The following EHBP1 variants were observed in gnomAD, a reference collection of about 807,000 sequenced individuals.
The protein encoded by EHBP1 is EH domain-binding protein 1.
A neutral mutation model predicts 144.0 loss-of-function variants in EHBP1; 55 were observed. The observed-to-expected ratio is 0.38, with a 90% CI of 0.31 to 0.48. The LOEUF is 0.48. Among genes scored for constraint, EHBP1 ranks in the 20% least tolerant of loss-of-function variants. The pLI is 0.98. For missense variants in EHBP1, 1,200 were observed against 1,364.2 expected (o/e 0.88, Z 1.90); for synonymous variants, 469 against 472.7 (o/e 0.99, Z 0.10).
intron 15 of EHBP1, among the ~76,000 whole-genome samples, chr2:62,984,158 ATTT>A (rs1243817770): frequency 6.6e-6 from 1 of 152,074 alleles, no homozygotes; most frequent in African/African-American, 2.4e-5. Flanking sequence ...TTTTTTTGGA[ATTT>A]TTAAGTATGT....
chr2:62,945,914 G>A (rs2057038040), intron 12 of EHBP1, among the ~76,000 whole-genome samples: 1 of 152,134 alleles, frequency 6.6e-6, no homozygotes, highest in Non-Finnish European at 1.5e-5. Flanking sequence ...CTTTGGATGG[G>A]CATGTTACAA....
intron 6 of EHBP1, among the ~76,000 whole-genome samples, chr2:62,828,012 G>A (rs1169749490): frequency 6.6e-6 from 1 of 152,166 alleles, no homozygotes; most frequent in Non-Finnish European, 1.5e-5. Flanking sequence ...ATTGTCTCCT[G>A]TTGATAAGAG....
chr2:62,787,762 A>C (rs1558669698), intron 5 of EHBP1, among the ~76,000 whole-genome samples: 1 of 152,210 alleles, frequency 6.6e-6, no homozygotes, highest in Non-Finnish European at 1.5e-5. Context: ...CACACACATA[A>C]TCTCTGGCTC....
At chr2:62,775,747 G>T (rs1012337291) in intron 5 of EHBP1, among the ~76,000 whole-genome samples, 1 of 152,088 alleles carries the variant, frequency 6.6e-6, no homozygotes, top group Admixed American at 6.6e-5. Context: ...TAATAACTCT[G>T]GTGTGAGTCA....
chr2:62,808,261 A>T (rs2044672026), intron 5 of EHBP1, among the ~76,000 whole-genome samples: 2 of 137,986 alleles, frequency 1.4e-5, no homozygotes, highest in Non-Finnish European at 1.6e-5. Flanking sequence ...TCCATTATGC[A>T]TATTGACTTC....
At chr2:62,861,342 A>C (rs979479615) in intron 8 of EHBP1, among the ~76,000 whole-genome samples, 1 of 151,144 alleles carries the variant, frequency 6.6e-6, no homozygotes. Context: ...GTCGGCCAGG[A>C]TGGTCTCGAT....
intron 7 of EHBP1, among the ~76,000 whole-genome samples, chr2:62,832,709 A>G (rs1222825834): frequency 6.6e-6 from 1 of 152,096 alleles, no homozygotes; most frequent in Non-Finnish European, 1.5e-5. Context: ...TAAGACAGCA[A>G]ACTTAATCAA....
chr2:62,964,367 C>T (rs1410560931), intron 14 of EHBP1, among the ~76,000 whole-genome samples: 1 of 152,146 alleles, frequency 6.6e-6, no homozygotes, highest in African/African-American at 2.4e-5. Context: ...TGTTCAGTGC[C>T]GTGTTGAACA....
intron 10 of EHBP1, among the ~76,000 whole-genome samples, chr2:62,928,074 G>A (rs963094319): frequency 6.6e-5 from 10 of 152,116 alleles, no homozygotes; most frequent in Non-Finnish European, 1.2e-4. Context: ...AAAACTTCTG[G>A]GACACAATGA....
intron 19 of EHBP1, among the ~76,000 whole-genome samples, chr2:63,025,573 T>C (rs548111600): frequency 1.3e-4 from 20 of 152,312 alleles, no homozygotes; most frequent in African/African-American, 4.8e-4. Flanking sequence ...AAATGGGCTG[T>C]AGCTTTGGAG....
At chr2:62,797,645 A>T (rs2043635850) in intron 5 of EHBP1, among the ~76,000 whole-genome samples, 1 of 152,222 alleles carries the variant, frequency 6.6e-6, no homozygotes, top group Admixed American at 6.5e-5. Flanking sequence ...TTAATTGTGG[A>T]TGGAGGATAC....
chr2:62,677,653 C>A (rs1360719325), intron 1 of EHBP1, among the ~76,000 whole-genome samples: 4 of 152,070 alleles, frequency 2.6e-5, no homozygotes, highest in African/African-American at 9.7e-5. Flanking sequence ...CTACCCGTTG[C>A]AGCCTCTGGT....
chr2:62,794,904 A>G (rs543044753), intron 5 of EHBP1, among the ~76,000 whole-genome samples: 36 of 152,188 alleles, frequency 2.4e-4, no homozygotes, highest in African/African-American at 8.2e-4. Flanking sequence ...CCACGTGTGT[A>G]TTTAAATAAG....
chr2:62,722,433 AT>A (rs752825037), intron 2 of EHBP1, among the ~76,000 whole-genome samples: 5,445 of 146,080 alleles, frequency 0.037, 114 homozygotes, highest in Non-Finnish European at 0.055. Flanking sequence ...AAAAATAGGG[AT>A]TTTTTTTTTT....
chr2:62,726,729 T>A (rs2036831255), intron 2 of EHBP1: 1 of 152,234 alleles, frequency 6.6e-6, no homozygotes, highest in Admixed American at 6.5e-5. Context: ...TTGAGATAAC[T>A]CACTACCAGC....
Position 62,747,400 on chromosome 2 carries a change from C to T in EHBP1, c.110C>T (p.Pro37Leu). ...ACTTTTTTTTTGTTTGGCAGGCAAC[C>T]AGATAAACTGGTGGTAGTTTGGACC... ...LMVECTKKWQ[P>L]DKLVVVWTRR... is the part of the protein sequence containing the mutation. The change falls in exon 3 of 23, where the codon CCA becomes CTA. Residue 37 changes from proline to leucine, a missense_variant. Pro to Leu is a moderately conservative substitution (Grantham distance 98, BLOSUM62 -3). Transcript: ENST00000431489. 1 of 1,608,620 alleles carries T rather than the reference C, an allele frequency of 6.2e-7. No individual in the cohort carries two copies. The highest frequency in any genetic ancestry group is 8.5e-7 in the Non-Finnish European group (1 of 1,177,462).
intron 19 of EHBP1, among the ~76,000 whole-genome samples, chr2:63,011,671 A>G (rs2153234014): frequency 6.6e-6 from 1 of 152,028 alleles, no homozygotes; most frequent in South Asian, 2.1e-4. Flanking sequence ...TTCAGGAGGG[A>G]CATTCCCTAT....
intron 9 of EHBP1, among the ~76,000 whole-genome samples, chr2:62,867,114 A>G (rs1040900257): frequency 1.3e-5 from 2 of 152,168 alleles, no homozygotes; most frequent in African/African-American, 4.8e-5. Flanking sequence ...ATATATTAGT[A>G]TATATAAAAT....
At chr2:62,959,389 C>A (rs879786564) in intron 14 of EHBP1, among the ~76,000 whole-genome samples, 2 of 152,128 alleles carry the variant, frequency 1.3e-5, no homozygotes, top group African/African-American at 4.8e-5. Context: ...CTGATAAGTA[C>A]CCCGAAGTGG....
Sources: gnomAD v4.1 joint callset for allele counts (sites outside exome capture counted in the v4.1 genomes callset) on GRCh38, gnomAD v4.1.1 for gene constraint, MANE v1.5 for transcripts, NCBI Gene and HGNC (gene_info 2026-07-23, HGNC 2026-07-21) for gene names.